The following LEUTX variants were observed in gnomAD, a reference collection of about 807,000 sequenced individuals.
LEUTX encodes paired-like homeodomain transcription factor LEUTX.
In LEUTX, 5 loss-of-function variants were observed where a neutral mutation model predicts 4.5. The observed-to-expected ratio is 1.11, with a 90% CI of 0.58 to 2.34. The LOEUF (loss-of-function observed/expected upper bound fraction) is 2.34, where lower values mean the gene tolerates loss of function less well. Ranked by LOEUF, LEUTX falls within the 30% of genes most tolerant of loss-of-function variation. The pLI is 0.01. For synonymous variants in LEUTX, 89 were observed against 85.1 expected (o/e 1.05, Z -0.25); for missense variants, 233 against 239.4 (o/e 0.97, Z 0.18).
At position 39,784,613 on chromosome 19, in the gene LEUTX, CA is replaced by C; in HGVS notation, c.95del (p.His32ProfsTer20). Reference protein sequence around the residue: ...ALRELLEKTMHPSLATMGKLA... With the variant: ...ALRELLEKTMXPSLATMGKLA... ...GAGAGAATTGCTTGAAAAGACCATG[CA>C]CCCAAGTTTGGCTACAATGGGGAAA... On this transcript the variant is annotated frameshift_variant, in exon 2 of 3. Transcript: ENST00000638280. LOFTEE classifies it high-confidence loss of function. 6.4e-7 allele frequency: 1 copy of C among 1,550,652 alleles called. No individual in the cohort carries two copies. Among genetic ancestry groups the C allele is most frequent in the Non-Finnish European group, 8.7e-7 (1 of 1,146,070 alleles).
chr19:39,785,554 G>T, intron 2 of LEUTX, 144 bp from the exon 3 acceptor site: 1 of 651,720 alleles, frequency 1.5e-6, no homozygotes, highest in Non-Finnish European at 2.7e-6. Context: ...TGAAACCCAG[G>T]ACAGCAGAGA....
intron 2 of LEUTX, among the ~76,000 whole-genome samples, chr19:39,785,059 C>T (rs969083748): frequency 9.2e-5 from 14 of 152,228 alleles, no homozygotes; most frequent in African/African-American, 3.4e-4. Flanking sequence ...TCACTAAGTT[C>T]CCACAAAGTA....
At chr19:39,778,711 A>T (rs560586426), upstream of LEUTX, among the ~76,000 whole-genome samples, 1 of 142,614 alleles carries the variant, frequency 7.0e-6, no homozygotes, top group South Asian at 2.2e-4. Flanking sequence ...CCAGTGCCCT[A>T]CACAGCATCA....
In LEUTX at chr19:39,784,613, C is replaced by A; in HGVS notation, c.94C>A (p.His32Asn). The change falls in exon 2 of 3, where the codon CAC (histidine) becomes AAC (asparagine). Residue 32 changes from histidine (H) to asparagine (N), a missense_variant. Physicochemically the swap from His to Asn is moderately conservative, Grantham distance 68 (BLOSUM62 1). Coordinates refer to ENST00000638280, the MANE Select transcript of LEUTX (RefSeq NM_001382345.1). ...GAGAGAATTGCTTGAAAAGACCATG[C>A]ACCCAAGTTTGGCTACAATGGGGAA... ...ALRELLEKTMHPSLATMGKLA... is the reference protein window; with the variant it reads ...ALRELLEKTMNPSLATMGKLA... The A allele has an allele frequency of 6.4e-7, 1 of 1,550,652 alleles. No homozygotes were observed. The highest frequency in any genetic ancestry group is 8.7e-7 in the Non-Finnish European group (1 of 1,146,070).
intron 1 of LEUTX, among the ~76,000 whole-genome samples, chr19:39,780,118 A>G (rs1967863932): frequency 6.6e-6 from 1 of 152,250 alleles, no homozygotes; most frequent in Admixed American, 6.5e-5. Context: ...AAAATTATGC[A>G]TCAACAAGCT....
intron 1 of LEUTX, among the ~76,000 whole-genome samples, chr19:39,780,570 G>A (rs986227938): frequency 3.9e-5 from 6 of 151,940 alleles, no homozygotes; most frequent in Non-Finnish European, 7.4e-5. Context: ...GATATTTTTA[G>A]TCACATAAAT....
chr19:39,783,669 T>A (rs572814027), intron 1 of LEUTX, among the ~76,000 whole-genome samples: 10 of 152,172 alleles, frequency 6.6e-5, no homozygotes, highest in East Asian at 1.9e-4. Context: ...ACATCTATTT[T>A]TTTTTATTTT....
chr19:39,781,785 T>C (rs1451058306), intron 1 of LEUTX, among the ~76,000 whole-genome samples: 3 of 152,228 alleles, frequency 2.0e-5, no homozygotes, highest in Non-Finnish European at 4.4e-5. Flanking sequence ...TCCTCTTTTC[T>C]AATTTACCCA....
chr19:39,785,175 A>G (rs1287602590), intron 2 of LEUTX, among the ~76,000 whole-genome samples: 2 of 152,216 alleles, frequency 1.3e-5, no homozygotes, highest in Non-Finnish European at 2.9e-5. Context: ...ATGGTGGCTC[A>G]CACTTGTAAT....
At chr19:39,785,449 AT>A (rs757293273) in intron 2 of LEUTX, among the ~76,000 whole-genome samples, 39 of 151,748 alleles carry the variant, frequency 2.6e-4, no homozygotes, top group South Asian at 1.5e-3. Context: ...AAAAAAAAAA[AT>A]ACACCACTAA....
chr19:39,783,692 C>T (rs775210184), intron 1 of LEUTX, among the ~76,000 whole-genome samples: 4 of 151,248 alleles, frequency 2.6e-5, no homozygotes, highest in Non-Finnish European at 5.9e-5. Context: ...TTATTATGGC[C>T]ATTCTTGTGG....
At chr19:39,785,304 G>A (rs555237143) in intron 2 of LEUTX, among the ~76,000 whole-genome samples, 82 of 152,158 alleles carry the variant, frequency 5.4e-4, no homozygotes, top group Non-Finnish European at 9.9e-4. Flanking sequence ...CAGACATGGA[G>A]GCACATGGCT....
In LEUTX at chr19:39,785,844, A is replaced by T; in HGVS notation, c.306A>T (p.Pro102=). Residue 102 remains proline (P), a synonymous_variant, in exon 3 of 3, where the codon CCA becomes CCT. Coordinates refer to ENST00000638280, the MANE Select transcript of LEUTX (RefSeq NM_001382345.1). ...PSAITTANIR[P]VSPGISDAND... The stretch of plus-strand genomic sequence containing the variant: ...CCATAACTACTGCAAACATTCGTCC[A>T]GTAAGTCCTGGAATCTCTGATGCAA... 6.4e-7 allele frequency: 1 copy of T among 1,551,794 alleles called. No individual in the cohort carries two copies. Among genetic ancestry groups the T allele is most frequent in the Non-Finnish European group, 8.7e-7 (1 of 1,147,012 alleles).
At chr19:39,780,273 G>A (rs985809483) in intron 1 of LEUTX, among the ~76,000 whole-genome samples, 1 of 152,048 alleles carries the variant, frequency 6.6e-6, no homozygotes, top group Admixed American at 6.5e-5. Context: ...ATCCTTCCTC[G>A]ATTTTACCTC....
At chr19:39,777,188 A>G (rs73930622), upstream of LEUTX, among the ~76,000 whole-genome samples, 2,094 of 152,222 alleles carry the variant, frequency 0.014, 48 homozygotes, top group African/African-American at 0.046. Flanking sequence ...GAGACATCTT[A>G]CCTTACCTTA....
rs1319964562 is a variant in LEUTX, at chr19:39,785,690, C to T, written c.160-8C>T. On this transcript the variant is annotated splice_region_variant and splice_polypyrimidine_tract_variant and intron_variant, in intron 2 of 2. Coordinates refer to ENST00000638280, the MANE Select transcript of LEUTX (RefSeq NM_001382345.1). ...CCATTATTAACCTCCCCCCTCCTCC[C>T]TCCTTAGATCTGGTTCAAGAACCAG... 1.3e-6 allele frequency: 2 copies of T among 1,548,446 alleles called. No individual in the cohort carries two copies. The highest frequency in any genetic ancestry group is 1.2e-5 in the South Asian group (1 of 83,798).
At chr19:39,776,812 C>T (rs1054347371), upstream of LEUTX, 6 of 370,412 alleles carry the variant, frequency 1.6e-5, no homozygotes, top group South Asian at 8.0e-5. Flanking sequence ...GCCTGGGAGG[C>T]GGAGGTTGCA....
At chr19:39,779,766 C>T (rs986518820) in intron 1 of LEUTX, among the ~76,000 whole-genome samples, 5 of 152,194 alleles carry the variant, frequency 3.3e-5, no homozygotes, top group Non-Finnish European at 5.9e-5. Flanking sequence ...GTAATTCCAA[C>T]ACTTTCAGAT....
At chr19:39,776,941 G>A (rs1967805232), upstream of LEUTX, among the ~76,000 whole-genome samples, 1 of 152,144 alleles carries the variant, frequency 6.6e-6, no homozygotes, top group East Asian at 1.9e-4. Context: ...CCCTTGAATG[G>A]CTTTGTCCTT....
Sources: allele counts gnomAD v4.1 joint callset (sites outside exome capture counted in the v4.1 genomes callset), GRCh38; gene constraint gnomAD v4.1.1; transcripts MANE v1.5; gene names NCBI Gene and HGNC (gene_info 2026-07-23, HGNC 2026-07-21).